NKAIN2: variants seen among roughly 807,000 people sequenced by gnomAD.
NKAIN2 encodes sodium/potassium-transporting ATPase subunit beta-1-interacting protein 2.
In NKAIN2, 14 loss-of-function variants were observed where a neutral mutation model predicts 32.6. The ratio of observed to expected loss-of-function variants is 0.43; its 90% CI spans 0.28 to 0.67. The LOEUF is 0.67. NKAIN2 is among the 30% of genes least tolerant of loss of function. The probability of loss-of-function intolerance (pLI) is 0.17; values close to 1 mark genes in which losing one functional copy is unlikely to be tolerated. For missense variants in NKAIN2, 198 were observed against 258.3 expected, an observed-to-expected ratio of 0.77 and a Z score of 1.60; for synonymous variants, 80 against 87.2, an observed-to-expected ratio of 0.92 and a Z score of 0.46.
At chr6:124,397,707 C>G (rs1211730246) in intron 3 of NKAIN2, among the ~76,000 whole-genome samples, 11 of 151,912 alleles carry the variant, frequency 7.2e-5, no homozygotes, top group Non-Finnish European at 1.6e-4. Flanking sequence ...TTGTCCTTAT[C>G]CATATAACAA....
intron 4 of NKAIN2, among the ~76,000 whole-genome samples, chr6:124,758,368 C>T (rs1270237800): frequency 6.6e-6 from 1 of 152,110 alleles, no homozygotes; most frequent in Non-Finnish European, 1.5e-5. Context: ...GCTCTCTTGC[C>T]CCTTCCGCCC....
At chr6:124,153,899 A>G (rs1384540905) in intron 1 of NKAIN2, among the ~76,000 whole-genome samples, 2 of 149,036 alleles carry the variant, frequency 1.3e-5, no homozygotes, top group South Asian at 2.1e-4. Context: ...TTTCTTTCCA[A>G]CTTCAGATGG....
chr6:124,431,414 G>A (rs1157578138), intron 3 of NKAIN2, among the ~76,000 whole-genome samples: 3 of 152,062 alleles, frequency 2.0e-5, no homozygotes, highest in African/African-American at 4.8e-5. Flanking sequence ...TATTCAAAAC[G>A]TATTTTAAAA....
At chr6:124,318,476 A>G (rs1797049672) in intron 2 of NKAIN2, among the ~76,000 whole-genome samples, 1 of 151,988 alleles carries the variant, frequency 6.6e-6, no homozygotes, top group Non-Finnish European at 1.5e-5. Flanking sequence ...TAAAGTAAGG[A>G]TGGCCTCTTG....
At chr6:124,136,343 A>G (rs1432610282) in intron 1 of NKAIN2, among the ~76,000 whole-genome samples, 2 of 152,142 alleles carry the variant, frequency 1.3e-5, no homozygotes, top group East Asian at 3.9e-4. Context: ...ACAGACCGAG[A>G]ACAAGTAGTG....
chr6:124,505,440 C>T (rs1778439286), intron 3 of NKAIN2, among the ~76,000 whole-genome samples: 1 of 152,150 alleles, frequency 6.6e-6, no homozygotes, highest in Admixed American at 6.5e-5. Flanking sequence ...GTTTTAACTC[C>T]AGAACCTCTT....
At chr6:124,820,802 G>T (rs926384703) in intron 6 of NKAIN2, among the ~76,000 whole-genome samples, 5 of 152,084 alleles carry the variant, frequency 3.3e-5, no homozygotes, top group Admixed American at 2.6e-4. Context: ...ATGTGTGAGG[G>T]ATCTAGGTTT....
At chr6:124,134,491 A>T (rs532137390) in intron 1 of NKAIN2, among the ~76,000 whole-genome samples, 4 of 152,152 alleles carry the variant, frequency 2.6e-5, no homozygotes, top group African/African-American at 9.6e-5. Context: ...CAAGGCTAGC[A>T]TGGCAAATAT....
chr6:124,415,028 A>G (rs1478777857), intron 3 of NKAIN2, among the ~76,000 whole-genome samples: 1 of 152,208 alleles, frequency 6.6e-6, no homozygotes, highest in Non-Finnish European at 1.5e-5. Context: ...TAGTCAACAC[A>G]GAAGACTTCT....
intron 1 of NKAIN2, among the ~76,000 whole-genome samples, chr6:124,052,757 C>A (rs1435486577): frequency 6.6e-6 from 1 of 152,048 alleles, no homozygotes; most frequent in Non-Finnish European, 1.5e-5. Flanking sequence ...TGGTAGAGGT[C>A]ATTTTCAGTT....
chr6:124,500,515 G>A (rs987594978), intron 3 of NKAIN2, among the ~76,000 whole-genome samples: 6 of 151,844 alleles, frequency 4.0e-5, no homozygotes, highest in East Asian at 1.9e-4. Context: ...TTAGCTGGGC[G>A]CAATTGCTCA....
At chr6:123,842,294 T>C (rs1309665229) in intron 1 of NKAIN2, among the ~76,000 whole-genome samples, 2 of 152,218 alleles carry the variant, frequency 1.3e-5, no homozygotes, top group Non-Finnish European at 2.9e-5. Flanking sequence ...AAGATCAAAG[T>C]GCCAGATAAT....
intron 3 of NKAIN2, among the ~76,000 whole-genome samples, chr6:124,467,461 A>G (rs1776806539): frequency 6.6e-6 from 1 of 152,228 alleles, no homozygotes; most frequent in Non-Finnish European, 1.5e-5. Context: ...CATGTTTTAC[A>G]TGCTTCATTT....
At chr6:124,055,754 C>T (rs1042019792) in intron 1 of NKAIN2, among the ~76,000 whole-genome samples, 3 of 152,006 alleles carry the variant, frequency 2.0e-5, no homozygotes, top group African/African-American at 7.2e-5. Context: ...AAAAATCACT[C>T]TCCTAGTTGC....
intron 4 of NKAIN2, among the ~76,000 whole-genome samples, chr6:124,771,207 C>T (rs980968381): frequency 6.6e-6 from 1 of 151,966 alleles, no homozygotes; most frequent in African/African-American, 2.4e-5. Flanking sequence ...TGAAGTAGAA[C>T]AAAAAGTGTT....
chr6:124,623,033 T>A (rs117581652), intron 3 of NKAIN2, among the ~76,000 whole-genome samples: 2,668 of 152,222 alleles, frequency 0.018, 40 homozygotes, highest in Middle Eastern at 0.041. Flanking sequence ...GTAACTGCCC[T>A]CTTCTACCCA....
intron 1 of NKAIN2, among the ~76,000 whole-genome samples, chr6:124,217,821 A>G (rs1791565984): frequency 6.6e-6 from 1 of 152,100 alleles, no homozygotes; most frequent in Admixed American, 6.6e-5. Flanking sequence ...ACACATATCT[A>G]TATATAGAGA....
At chr6:123,897,802 C>A (rs1053478597) in intron 1 of NKAIN2, among the ~76,000 whole-genome samples, 4 of 151,986 alleles carry the variant, frequency 2.6e-5, no homozygotes, top group Non-Finnish European at 5.9e-5. Context: ...TTCAACTTAC[C>A]CTCTTCCCTT....
At chr6:123,936,636 A>G (rs1468807650) in intron 1 of NKAIN2, among the ~76,000 whole-genome samples, 1 of 152,132 alleles carries the variant, frequency 6.6e-6, no homozygotes, top group Admixed American at 6.6e-5. Flanking sequence ...AATGAAGACA[A>G]AATGTACATT....
Sources: gnomAD v4.1 joint callset for allele counts (sites outside exome capture counted in the v4.1 genomes callset) on GRCh38, gnomAD v4.1.1 for gene constraint, MANE v1.5 for transcripts, NCBI Gene and HGNC (gene_info 2026-07-23, HGNC 2026-07-21) for gene names.